CKAP5: variants seen among roughly 807,000 people sequenced by gnomAD.
CKAP5 encodes cytoskeleton associated protein 5, also known as cytoskeleton-associated protein 5.
Under a neutral mutation model 232.8 loss-of-function variants are expected in CKAP5, and 27 were observed. The observed-to-expected ratio is 0.12, with a 90% confidence interval of 0.09 to 0.16. The LOEUF is 0.16. Among genes scored for constraint, CKAP5 ranks in the 10% least tolerant of loss-of-function variants. The pLI, the probability that CKAP5 is intolerant of heterozygous loss-of-function variation, is 1.00. For synonymous variants in CKAP5, 785 were observed against 841.1 expected, an observed-to-expected ratio of 0.93 and a Z score of 1.16; for missense variants, 1,838 against 2,424.7, an observed-to-expected ratio of 0.76 and a Z score of 5.08.
intron 13 of CKAP5, among the ~76,000 whole-genome samples, chr11:46,792,926 A>G (rs1399883985): frequency 6.6e-6 from 1 of 152,196 alleles, no homozygotes; most frequent in Non-Finnish European, 1.5e-5. Flanking sequence ...AGGAGACAGC[A>G]TAATGTGAAA....
chr11:46,747,987 T>C (rs1285271566), intron 42 of CKAP5, among the ~76,000 whole-genome samples: 1 of 151,828 alleles, frequency 6.6e-6, no homozygotes, highest in Non-Finnish European at 1.5e-5. Context: ...TTGAACCCAG[T>C]GAGCCATGAT....
In CKAP5 at chr11:46,809,902, A is replaced by G. The variant is rs747118385; in HGVS notation, c.631-28T>C. 9 of 1,581,668 alleles carry G rather than the reference A, an allele frequency of 5.7e-6. No individual in the cohort carries two copies. In the South Asian group the frequency reaches 7.0e-5, roughly 12 times the overall value. On this transcript the variant is annotated intron_variant, in intron 5 of 43. Transcript: ENST00000529230. The stretch of plus-strand genomic sequence containing the variant: ...GCAAATGTCATATAATATTTAAATA[A>G]TATCTGCATCTCCACCATTAGTTAA...
intron 13 of CKAP5, among the ~76,000 whole-genome samples, chr11:46,791,538 T>C (rs1415691778): frequency 6.6e-6 from 1 of 151,924 alleles, no homozygotes; most frequent in East Asian, 1.9e-4. Flanking sequence ...GCCAGGTGTG[T>C]TGGTGTATGC....
At chr11:46,841,663 G>C (rs1257755906) in intron 1 of CKAP5, among the ~76,000 whole-genome samples, 2 of 152,162 alleles carry the variant, frequency 1.3e-5, no homozygotes, top group Admixed American at 6.5e-5. Context: ...CTGCCTGGGA[G>C]TTGGTTCACA....
chr11:46,842,744 G>T (rs1380896423), intron 1 of CKAP5, among the ~76,000 whole-genome samples: 1 of 152,020 alleles, frequency 6.6e-6, no homozygotes, highest in Non-Finnish European at 1.5e-5. Context: ...GAGGCGGGCG[G>T]ATCACGAGGT....
At chr11:46,820,690 G>C (rs1939505565) in intron 2 of CKAP5, 1 of 152,128 alleles carries the variant, frequency 6.6e-6, no homozygotes, top group South Asian at 2.1e-4. Flanking sequence ...ATAATGACAT[G>C]ATGTAATAAA....
intron 24 of CKAP5, among the ~76,000 whole-genome samples, 175 bp from the exon 25 acceptor site, chr11:46,771,157 A>G (rs369627642): frequency 2.0e-5 from 3 of 152,348 alleles, no homozygotes; most frequent in East Asian, 1.9e-4. Context: ...TTTAAATAAC[A>G]TATGCAATGA....
chr11:46,811,737 A>G (rs1939278848), intron 4 of CKAP5, among the ~76,000 whole-genome samples: 2 of 152,198 alleles, frequency 1.3e-5, no homozygotes, highest in South Asian at 4.1e-4. Flanking sequence ...TCAGCCTCCT[A>G]AAGTGCTGGA....
rs1565711535 is a variant in CKAP5, at chr11:46,743,161, C to T, written c.*862G>A. 2 of 152,190 alleles carry T rather than the reference C, an allele frequency of 1.3e-5. No homozygotes were observed. Among genetic ancestry groups the T allele is most frequent in the South Asian group, 4.1e-4 (2 of 4,828 alleles). 9.4% of individuals were successfully genotyped at this position (152,190 alleles called of 1,614,324 possible). A position where few individuals can be genotyped will look rare whatever the true frequency, so the allele number is the denominator to read the frequency against. ...CTCCATTAGTCAAATGAACACAAAT[C>T]TAGTTGTAGTGTGAGAACCACTGAA... On this transcript the variant is annotated 3_prime_UTR_variant, in exon 44 of 44. Coordinates refer to ENST00000529230, the MANE Select transcript of CKAP5 (RefSeq NM_001008938.4).
intron 25 of CKAP5, 49 bp downstream of exon 25, chr11:46,770,739 A>G (rs2065240397): frequency 6.5e-7 from 1 of 1,549,740 alleles, no homozygotes; most frequent in Non-Finnish European, 8.9e-7. Flanking sequence ...CATGTTAAAT[A>G]TATTTTTTAA....
chr11:46,838,617 CAAAAAAAAAAAAAAAAA>C (rs56117525), intron 1 of CKAP5, among the ~76,000 whole-genome samples: 1 of 45,052 alleles, frequency 2.2e-5, no homozygotes, highest in African/African-American at 1.0e-4. Flanking sequence ...CTTGCCTCTT[CAAAAAAAAAAAAAAAAA>C]AAAAAAAAAA....
chr11:46,759,297 A>G lies in CKAP5; in HGVS notation c.4540T>C (p.Phe1514Leu). The G allele has an allele frequency of 6.2e-7, 1 of 1,613,882 alleles. No homozygotes were observed. Among genetic ancestry groups the G allele is most frequent in the Non-Finnish European group, 8.5e-7 (1 of 1,179,948 alleles). ...GGTTCAGGAATAAGGACTGGCTCAA[A>G]AATGTCATCCAGTTTGTGCTGAACA... ...ELVQHKLDDI[F>L]EPVLIPEPKI... Residue 1514 changes from phenylalanine to leucine, a missense_variant, in exon 34 of 44, where the codon TTT becomes CTT. Phe to Leu is a conservative substitution (Grantham distance 22). Coordinates refer to ENST00000529230, the MANE Select transcript of CKAP5 (RefSeq NM_001008938.4).
At chr11:46,841,952 C>T (rs1008042632) in intron 1 of CKAP5, among the ~76,000 whole-genome samples, 1 of 135,792 alleles carries the variant, frequency 7.4e-6, no homozygotes, top group Non-Finnish European at 1.5e-5. Context: ...GAGCCGAGAT[C>T]GTGCCATTGC....
chr11:46,753,431 G>A lies in CKAP5; in HGVS notation c.4936C>T (p.Leu1646Phe). The A allele has an allele frequency of 6.2e-7, 1 of 1,613,950 alleles. No homozygotes were observed. Among genetic ancestry groups the A allele is most frequent in the Non-Finnish European group, 8.5e-7 (1 of 1,179,946 alleles). ...TGVLKDLMHG[L>F]ITLMLDSRIE... ...CGAGAATCCAGCATTAAGGTGATGA[G>A]GCCATGCATTAGGTCTTTTAGTACT... is the stretch of plus-strand genomic sequence containing the variant. The change falls in exon 37 of 44, where the codon CTC (leucine) becomes TTC (phenylalanine). Residue 1646 changes from leucine to phenylalanine, a missense_variant. Coordinates refer to ENST00000529230, the MANE Select transcript of CKAP5 (RefSeq NM_001008938.4).
intron 7 of CKAP5, 67 bp from the exon 8 acceptor site, chr11:46,808,211 C>A: frequency 9.8e-7 from 1 of 1,020,124 alleles, no homozygotes; most frequent in Non-Finnish European, 1.5e-6. Context: ...CTATTTATTG[C>A]ACTCTGCTAA....
At chr11:46,771,232 C>A (rs1592446443) in intron 24 of CKAP5, among the ~76,000 whole-genome samples, 1 of 152,130 alleles carries the variant, frequency 6.6e-6, no homozygotes, top group Non-Finnish European at 1.5e-5. Flanking sequence ...AATTATAAAG[C>A]TTTAATACAT....
At chr11:46,780,148 G>T in intron 20 of CKAP5, 46 bp downstream of exon 20, 1 of 1,606,194 alleles carries the variant, frequency 6.2e-7, no homozygotes. Flanking sequence ...GTCTTAATGA[G>T]ATTCTCAAGT....
At chr11:46,803,736 G>A (rs547240038) in intron 8 of CKAP5, among the ~76,000 whole-genome samples, 1 of 152,082 alleles carries the variant, frequency 6.6e-6, no homozygotes, top group Admixed American at 6.5e-5. Flanking sequence ...TTTTCCTTAC[G>A]AGAGGATGAG....
At chr11:46,811,723 C>T (rs930286617) in intron 4 of CKAP5, among the ~76,000 whole-genome samples, 60 of 152,042 alleles carry the variant, frequency 3.9e-4, no homozygotes, top group Admixed American at 1.9e-3. Context: ...GTGATCCACC[C>T]GCCTCAGCCT....
Sources: gnomAD v4.1 joint callset for allele counts (sites outside exome capture counted in the v4.1 genomes callset) on GRCh38, gnomAD v4.1.1 for gene constraint, MANE v1.5 for transcripts, NCBI Gene and HGNC (gene_info 2026-07-23, HGNC 2026-07-21) for gene names.